Variants in DOCK2 observed in about 807,000 individuals in gnomAD.
DOCK2 encodes dedicator of cytokinesis protein 2.
A neutral mutation model predicts 248.9 loss-of-function variants in DOCK2; 87 were observed. The ratio of observed to expected loss-of-function variants is 0.35; its 90% CI spans 0.29 to 0.42. The LOEUF is 0.42. Ranked by LOEUF, DOCK2 falls within the 10% of genes least tolerant of loss-of-function variation. The pLI, the probability that DOCK2 is intolerant of heterozygous loss-of-function variation, is 1.00. For synonymous variants in DOCK2, 805 were observed against 821.6 expected (o/e 0.98, Z 0.35); for missense variants, 1,747 against 2,300.2 (o/e 0.76, Z 4.92).
At chr5:169,957,615 G>A (rs1337703287) in intron 27 of DOCK2, among the ~76,000 whole-genome samples, 1 of 152,170 alleles carries the variant, frequency 6.6e-6, no homozygotes, top group Non-Finnish European at 1.5e-5. Flanking sequence ...ATCACAGAAA[G>A]ACTCATTCCT....
chr5:169,696,158 G>A (rs28380064), intron 10 of DOCK2, among the ~76,000 whole-genome samples: 5 of 152,162 alleles, frequency 3.3e-5, no homozygotes, highest in African/African-American at 1.2e-4. Flanking sequence ...GGCTCCTCTT[G>A]TCTGGAGTAG....
At chr5:169,698,553 G>C in intron 11 of DOCK2, 104 bp downstream of exon 11, 1 of 1,281,764 alleles carries the variant, frequency 7.8e-7, no homozygotes, top group Admixed American at 1.8e-5. Flanking sequence ...GTGATAGGCA[G>C]GTGGAGCCTC....
Position 169,698,153 on chromosome 5 carries a change from A to T in DOCK2, c.980-221A>T, listed in dbSNP as rs2306563. ...TCTTGGATGCCTCCCTGGCCCTCTG[A>T]CCTCCCAGTCTGCTTTGCCTGGAGG... On this transcript the variant is annotated intron_variant, in intron 10 of 51. Transcript: ENST00000520908. Among the ~76,000 whole-genome samples the T allele has an allele frequency of 4.0e-5, 6 of 151,830 alleles. No homozygotes were observed. In the East Asian group the frequency reaches 1.2e-3, roughly 29 times the overall value.
intron 30 of DOCK2, 106 bp from the exon 31 acceptor site, chr5:170,008,391 C>T (rs1581523301): frequency 7.7e-6 from 9 of 1,175,882 alleles, no homozygotes; most frequent in Non-Finnish European, 8.7e-6. Flanking sequence ...TAAACTGGTT[C>T]GGCCTCTGTC....
At chr5:169,666,365 C>T (rs1357513720) in intron 2 of DOCK2, among the ~76,000 whole-genome samples, 1 of 152,150 alleles carries the variant, frequency 6.6e-6, no homozygotes, top group Non-Finnish European at 1.5e-5. Context: ...CATAGCAATG[C>T]ACACTGTGAA....
chr5:169,981,058 G>T, intron 27 of DOCK2, among the ~76,000 whole-genome samples: 1 of 152,192 alleles, frequency 6.6e-6, no homozygotes. Flanking sequence ...GCTTAGAAGG[G>T]CTCCATGGCT....
intron 32 of DOCK2, among the ~76,000 whole-genome samples, chr5:170,011,152 T>A (rs1755275343): frequency 6.6e-6 from 1 of 152,210 alleles, no homozygotes; most frequent in South Asian, 2.1e-4. Context: ...AGAACTATTG[T>A]AATTGAAGTG....
At position 169,698,370 on chromosome 5, in the gene DOCK2, C is replaced by G. The variant is rs1166398041; in HGVS notation, c.980-4C>G. 2 of 1,613,680 alleles carry G rather than the reference C, an allele frequency of 1.2e-6. No individual in the cohort carries two copies. Among genetic ancestry groups the G allele is most frequent in the Non-Finnish European group, 1.7e-6 (2 of 1,179,654 alleles). On this transcript the variant is annotated splice_region_variant and splice_polypyrimidine_tract_variant and intron_variant, in intron 10 of 51. Coordinates refer to ENST00000520908, the MANE Select transcript of DOCK2 (RefSeq NM_004946.3). ...ACCATTAATTCATTCTGTCTTCTTT[C>G]TAGTTATGGATATAACAGACATCAT...
At chr5:169,935,917 A>G (rs1252261678) in intron 27 of DOCK2, among the ~76,000 whole-genome samples, 2 of 152,240 alleles carry the variant, frequency 1.3e-5, no homozygotes. Flanking sequence ...TATCAGCTAC[A>G]TCCTCAAATG....
intron 26 of DOCK2, among the ~76,000 whole-genome samples, chr5:169,822,531 T>G (rs1581242713): frequency 6.6e-6 from 1 of 152,020 alleles, no homozygotes; most frequent in Admixed American, 6.6e-5. Context: ...GGGTACGTAA[T>G]GAAATGAAGG....
chr5:169,677,244 T>G (rs1396460072), intron 6 of DOCK2, among the ~76,000 whole-genome samples: 2 of 152,202 alleles, frequency 1.3e-5, no homozygotes, highest in Admixed American at 1.3e-4. Flanking sequence ...TCCCTAACAA[T>G]AGGAGCTATC....
At chr5:169,736,158 G>A (rs561038102) in intron 22 of DOCK2, among the ~76,000 whole-genome samples, 1 of 152,314 alleles carries the variant, frequency 6.6e-6, no homozygotes, top group East Asian at 1.9e-4. Flanking sequence ...ATTTGGGCGG[G>A]GATGTGGAAC....
chr5:169,928,422 G>A (rs186759369), intron 27 of DOCK2, among the ~76,000 whole-genome samples: 21 of 152,332 alleles, frequency 1.4e-4, no homozygotes, highest in African/African-American at 2.6e-4. Flanking sequence ...CTGTTTTCAC[G>A]TAGTCAGGCA....
chr5:169,882,956 C>A, intron 27 of DOCK2: 1 of 1,551,634 alleles, frequency 6.4e-7, no homozygotes, highest in Non-Finnish European at 8.7e-7. Flanking sequence ...CTGTGGGAGC[C>A]TTGTGAGGGG....
chr5:169,865,329 G>A (rs1771479416), intron 27 of DOCK2, among the ~76,000 whole-genome samples: 2 of 152,158 alleles, frequency 1.3e-5, no homozygotes, highest in South Asian at 4.1e-4. Flanking sequence ...GGGGAGGTGG[G>A]CGTTGAACAG....
intron 27 of DOCK2, among the ~76,000 whole-genome samples, chr5:169,948,483 A>T (rs1169620044): frequency 6.6e-6 from 1 of 151,620 alleles, no homozygotes. Flanking sequence ...CTCTCTCTCT[A>T]TCTGTATATC....
chr5:169,983,019 C>T (rs1169454840), intron 27 of DOCK2, 49 bp from the exon 28 acceptor site: 5 of 1,597,954 alleles, frequency 3.1e-6, no homozygotes, highest in East Asian at 4.5e-5. Context: ...GGGAAGTTTT[C>T]CATGGTCCTC....
chr5:169,884,013 A>G, intron 27 of DOCK2: 1 of 1,031,550 alleles, frequency 9.7e-7, no homozygotes. Context: ...GCTGGCCAGG[A>G]TGGAGTGGTC....
chr5:169,899,776 A>T (rs145310188), intron 27 of DOCK2, among the ~76,000 whole-genome samples: 2 of 152,150 alleles, frequency 1.3e-5, no homozygotes, highest in Admixed American at 6.5e-5. Context: ...AATTTCCCCA[A>T]TGTGTTCACA....
Sources: gnomAD v4.1 joint callset for allele counts (sites outside exome capture counted in the v4.1 genomes callset) on GRCh38, gnomAD v4.1.1 for gene constraint, MANE v1.5 for transcripts, NCBI Gene and HGNC (gene_info 2026-07-23, HGNC 2026-07-21) for gene names.